CCDC93: variants seen among roughly 807,000 people sequenced by gnomAD.
The protein encoded by CCDC93 is coiled-coil domain-containing protein 93.
CCDC93 carries 61 observed loss-of-function variants against 108.2 expected under a neutral mutation model. The ratio of observed to expected loss-of-function variants is 0.56; its 90% CI spans 0.46 to 0.70. The LOEUF (loss-of-function observed/expected upper bound fraction) is 0.70. CCDC93 is among the 30% of genes least tolerant of loss of function. CCDC93 has a pLI of 0.00. For synonymous variants in CCDC93, 276 were observed against 260.4 expected (o/e 1.06, Z -0.58); for missense variants, 685 against 764.2 (o/e 0.90, Z 1.22).
chr2:117,950,913 G>C lies in CCDC93; in HGVS notation c.1068+1460C>G, dbSNP rs1021777640. 7 of 985,270 alleles carry C rather than the reference G, an allele frequency of 7.1e-6. No individual in the cohort carries two copies. In the African/African-American group the frequency reaches 1.2e-4, roughly 17 times the overall value. 61.0% of individuals were successfully genotyped at this position (985,270 alleles called of 1,614,324 possible). ...GCCTTAGCTTTCCCATCTGCAAAAA[G>C]GAACGACGACTGCAGGAATGATATG... On this transcript the variant is annotated intron_variant, in intron 13 of 23. Transcript: ENST00000376300.
intron 11 of CCDC93, among the ~76,000 whole-genome samples, chr2:117,972,024 T>A (rs1473819883): frequency 6.6e-6 from 1 of 152,208 alleles, no homozygotes; most frequent in Non-Finnish European, 1.5e-5. Context: ...ACCACCTGCT[T>A]ATGCCAAAAT....
At chr2:117,945,035 T>C (rs182001690) in intron 17 of CCDC93, among the ~76,000 whole-genome samples, 9 of 152,226 alleles carry the variant, frequency 5.9e-5, no homozygotes, top group Non-Finnish European at 8.8e-5. Flanking sequence ...TAAAGTTTTA[T>C]TGGAACACAG....
rs753950981 is a variant in CCDC93 at position 117,949,443 on chromosome 2, G to GT, written c.1069-49dup. 5 of 1,324,052 alleles carry GT rather than the reference G, an allele frequency of 3.8e-6. No homozygotes were observed. The South Asian group carries it at 6.1e-5, about 16-fold the overall frequency. 82.0% of individuals were successfully genotyped at this position (1,324,052 alleles called of 1,614,324 possible). On this transcript the variant is annotated intron_variant, in intron 13 of 23. Transcript: ENST00000376300. ...GGTTGCTGGAGCCTTGGTAGCAGAG[G>GT]TGAACAACTTCACCTTCTTTTTGTG...
intron 1 of CCDC93, among the ~76,000 whole-genome samples, chr2:118,009,839 T>C (rs1381306794): frequency 1.3e-5 from 2 of 152,216 alleles, no homozygotes; most frequent in South Asian, 2.1e-4. Flanking sequence ...AGGGTGATTA[T>C]TGCCACATAA....
At chr2:117,992,691 T>C (rs185193724) in intron 6 of CCDC93, among the ~76,000 whole-genome samples, 11 of 152,232 alleles carry the variant, frequency 7.2e-5, no homozygotes, top group Non-Finnish European at 1.3e-4. Context: ...ATAACCTACC[T>C]GTGTTTCAGT....
chr2:117,972,761 T>G (rs1225777816), intron 11 of CCDC93, among the ~76,000 whole-genome samples: 2 of 152,178 alleles, frequency 1.3e-5, no homozygotes, highest in African/African-American at 4.8e-5. Context: ...TTTCCATAAT[T>G]ACATCTTCAT....
At chr2:117,963,198 G>A (rs995421016) in intron 11 of CCDC93, among the ~76,000 whole-genome samples, 16 of 152,204 alleles carry the variant, frequency 1.1e-4, no homozygotes, top group African/African-American at 3.9e-4. Flanking sequence ...ACAAAAGCCA[G>A]TGAAAACAGA....
At chr2:117,981,456 G>T (rs1048173268) in intron 7 of CCDC93, among the ~76,000 whole-genome samples, 2 of 152,122 alleles carry the variant, frequency 1.3e-5, no homozygotes, top group Non-Finnish European at 2.9e-5. Context: ...CCGCAGTGCC[G>T]CATGCTTCCA....
chr2:117,954,956 T>C (rs1679170893), intron 12 of CCDC93, among the ~76,000 whole-genome samples: 1 of 152,154 alleles, frequency 6.6e-6, no homozygotes, highest in South Asian at 2.1e-4. Context: ...TCCGCCATGA[T>C]TCTAAATTTA....
chr2:117,987,186 CCTTT>C (rs1680347798), intron 6 of CCDC93, among the ~76,000 whole-genome samples: 1 of 152,164 alleles, frequency 6.6e-6, no homozygotes, highest in South Asian at 2.1e-4. Context: ...ATATATCTCA[CCTTT>C]CTTTTACACT....
chr2:117,986,127 CT>C, intron 6 of CCDC93, 58 bp from the exon 7 acceptor site: 1 of 852,162 alleles, frequency 1.2e-6, no homozygotes, highest in East Asian at 2.8e-5. Context: ...CCTGAATTGG[CT>C]GCTGGATGCC....
rs1395256973 is a variant in CCDC93 at position 117,916,862 on chromosome 2, G to T, written c.*3481C>A. On this transcript the variant is annotated 3_prime_UTR_variant, in exon 24 of 24. Transcript: ENST00000376300. ...GACTTCATGAAAAGGATCAAGAGAG[G>T]GCCTGGGGGATTCTGAAGATGCACA... 6.6e-6 allele frequency: 1 copy of T among 152,170 alleles called. No individual in the cohort carries two copies. Among genetic ancestry groups the T allele is most frequent in the African/African-American group, 2.4e-5 (1 of 41,428 alleles). The allele number at this position is 152,170 out of a possible 1,614,324, so 9.4% of individuals were successfully genotyped here. A position where few individuals can be genotyped will look rare whatever the true frequency, so the allele number is the denominator to read the frequency against.
chr2:117,918,402 TAAATG>T lies in CCDC93; in HGVS notation c.*1936_*1940del, dbSNP rs1332105311. On this transcript the variant is annotated 3_prime_UTR_variant, in exon 24 of 24. Coordinates refer to ENST00000376300, the MANE Select transcript of CCDC93 (RefSeq NM_019044.5). ...AACTCCTATGAAATACAGCTCAAAA[TAAATG>T]CCTGCACTTTCAAAAAGAATTACTG... 6.6e-6 allele frequency: 1 copy of T among 152,058 alleles called. No individual in the cohort carries two copies. Among genetic ancestry groups the T allele is most frequent in the Non-Finnish European group, 1.5e-5 (1 of 67,988 alleles). The allele number at this position is 152,058 out of a possible 1,614,324, so 9.4% of individuals were successfully genotyped here. A position where few individuals can be genotyped will look rare whatever the true frequency, so the allele number is the denominator to read the frequency against.
rs1425038924 is a variant in CCDC93 at position 117,917,627 on chromosome 2, T to A, written c.*2716A>T. 2 of 152,266 alleles carry A rather than the reference T, an allele frequency of 1.3e-5. No homozygotes were observed. Among genetic ancestry groups the A allele is most frequent in the African/African-American group, 4.8e-5 (2 of 41,456 alleles). The allele number at this position is 152,266 out of a possible 1,614,324, so 9.4% of individuals were successfully genotyped here. A position where few individuals can be genotyped will look rare whatever the true frequency, so the allele number is the denominator to read the frequency against. Reference sequence around the variant, plus strand: ...CCTCAGTGTGACTCTGACGACTGTTTAACATTCTGTACCTCCCTCTAGTGG... The same window carrying A: ...CCTCAGTGTGACTCTGACGACTGTTAAACATTCTGTACCTCCCTCTAGTGG... On this transcript the variant is annotated 3_prime_UTR_variant, in exon 24 of 24. Transcript: ENST00000376300.
At position 117,918,742 on chromosome 2, in the gene CCDC93, G is replaced by C. The variant is rs973430190; in HGVS notation, c.*1601C>G. The C allele has an allele frequency of 6.6e-6, 1 of 152,038 alleles. No individual in the cohort carries two copies. The highest frequency in any genetic ancestry group is 2.4e-5 in the African/African-American group (1 of 41,404). The allele number at this position is 152,038 out of a possible 1,614,324, so 9.4% of individuals were successfully genotyped here. A position where few individuals can be genotyped will look rare whatever the true frequency, so the allele number is the denominator to read the frequency against. On this transcript the variant is annotated 3_prime_UTR_variant, in exon 24 of 24. Coordinates refer to ENST00000376300, the MANE Select transcript of CCDC93 (RefSeq NM_019044.5). ...CCCTTCAAAACCCCCACATGACCAC[G>C]GCTCAGGGACCAGCTGAGGTGGAGC...
At chr2:117,955,065 A>G (rs1679176526) in intron 12 of CCDC93, among the ~76,000 whole-genome samples, 2 of 152,198 alleles carry the variant, frequency 1.3e-5, no homozygotes, top group South Asian at 4.1e-4. Context: ...GCAGGGTGAG[A>G]ATGGACTAAT....
intron 8 of CCDC93, among the ~76,000 whole-genome samples, chr2:117,977,260 A>T (rs1205222559): frequency 6.6e-6 from 1 of 152,198 alleles, no homozygotes; most frequent in Non-Finnish European, 1.5e-5. Context: ...GTTTGATGTC[A>T]GACCTCTAGG....
intron 7 of CCDC93, among the ~76,000 whole-genome samples, chr2:117,984,980 T>C (rs190522109): frequency 6.6e-6 from 1 of 152,206 alleles, no homozygotes; most frequent in East Asian, 1.9e-4. Context: ...GCATTTTCAC[T>C]ACATAGCTAG....
intron 11 of CCDC93, among the ~76,000 whole-genome samples, chr2:117,969,910 C>T (rs1679708555): frequency 6.6e-6 from 1 of 152,168 alleles, no homozygotes; most frequent in Admixed American, 6.5e-5. Context: ...TCCTTGAACC[C>T]TCCTTCAAGT....
Sources: allele counts gnomAD v4.1 joint callset (sites outside exome capture counted in the v4.1 genomes callset), GRCh38; gene constraint gnomAD v4.1.1; transcripts MANE v1.5; gene names NCBI Gene and HGNC (gene_info 2026-07-23, HGNC 2026-07-21).